The following MACROD2 variants were observed in gnomAD, a reference collection of about 807,000 sequenced individuals.
MACROD2 encodes ADP-ribose glycohydrolase MACROD2.
Under a neutral mutation model 70.4 loss-of-function variants are expected in MACROD2, and 36 were observed. That is an observed-to-expected ratio of 0.51 (90% CI 0.39 to 0.68). The LOEUF (loss-of-function observed/expected upper bound fraction) is 0.68. MACROD2 is among the 30% of genes least tolerant of loss of function. The pLI is 0.00. For missense variants in MACROD2, 496 were observed against 538.4 expected (o/e 0.92, Z 0.78); for synonymous variants, 172 against 178.8 (o/e 0.96, Z 0.30).
intron 8 of MACROD2, among the ~76,000 whole-genome samples, chr20:15,823,310 G>GTATGTGTA (rs1189640598): frequency 6.7e-6 from 1 of 149,336 alleles, no homozygotes; most frequent in African/African-American, 2.5e-5. Context: ...GTGTGTGTGT[G>GTATGTGTA]TGTGTGTGTG....
rs543819085 is a variant in MACROD2 at position 15,975,854 on chromosome 20, G to A, written c.985+8224G>A. ...AAAATAACTTACAATAGGAAAGTAA[G>A]TTTTATTGGCTCTAAGAGAAAACCA... On this transcript the variant is annotated intron_variant, in intron 13 of 17. Coordinates refer to ENST00000684519, the MANE Select transcript of MACROD2 (RefSeq NM_001351661.2). 9.8e-5 allele frequency among the ~76,000 whole-genome samples: 15 copies of A among 152,300 alleles called. No homozygotes were observed. The South Asian group carries it at 3.1e-3, about 32-fold the overall frequency.
At chr20:15,071,008 A>G (rs2075615242) in intron 5 of MACROD2, among the ~76,000 whole-genome samples, 1 of 152,072 alleles carries the variant, frequency 6.6e-6, no homozygotes, top group Non-Finnish European at 1.5e-5. Flanking sequence ...TAAAATTTGT[A>G]AGACTATTAT....
intron 8 of MACROD2, among the ~76,000 whole-genome samples, chr20:15,621,563 G>C (rs952346539): frequency 2.5e-4 from 38 of 152,302 alleles, no homozygotes; most frequent in Admixed American, 7.8e-4. Context: ...CTCCAGATGT[G>C]ATACTATAAC....
At chr20:14,467,251 C>A (rs1022996423) in intron 3 of MACROD2, among the ~76,000 whole-genome samples, 1 of 152,148 alleles carries the variant, frequency 6.6e-6, no homozygotes, top group Non-Finnish European at 1.5e-5. Context: ...CCCCTCCCCC[C>A]AGCCTCGCTG....
intron 8 of MACROD2, among the ~76,000 whole-genome samples, chr20:15,517,343 C>G (rs766266897): frequency 6.6e-6 from 1 of 152,208 alleles, no homozygotes; most frequent in African/African-American, 2.4e-5. Flanking sequence ...TCACACAGCA[C>G]CTCTTCACAA....
intron 5 of MACROD2, among the ~76,000 whole-genome samples, chr20:14,700,353 T>C (rs1256147910): frequency 6.6e-6 from 1 of 152,192 alleles, no homozygotes; most frequent in African/African-American, 2.4e-5. Context: ...CTGAGTTTTA[T>C]AGAACTGTTT....
At chr20:15,394,888 C>T (rs1461501111) in intron 6 of MACROD2, among the ~76,000 whole-genome samples, 1 of 152,158 alleles carries the variant, frequency 6.6e-6, no homozygotes, top group Non-Finnish European at 1.5e-5. Context: ...ACTGAATGAG[C>T]ATTTTGTAGC....
At chr20:15,796,992 G>T (rs183779840) in intron 8 of MACROD2, among the ~76,000 whole-genome samples, 1 of 152,138 alleles carries the variant, frequency 6.6e-6, no homozygotes, top group Non-Finnish European at 1.5e-5. Flanking sequence ...ATTTTCTTAC[G>T]TATCAAGGTA....
intron 5 of MACROD2, among the ~76,000 whole-genome samples, chr20:14,718,727 C>G (rs1220079706): frequency 1.3e-5 from 2 of 151,998 alleles, no homozygotes; most frequent in Non-Finnish European, 2.9e-5. Context: ...TTACTAGAAA[C>G]AAAATTTCAT....
intron 1 of MACROD2, chr20:13,996,211 G>C (rs921859096): frequency 3.6e-4 from 83 of 227,676 alleles, no homozygotes; most frequent in Admixed American, 6.1e-4. Context: ...GGTGCCCGTC[G>C]GCGGGCGCTC....
chr20:14,299,212 G>T (rs1316799764), intron 3 of MACROD2, among the ~76,000 whole-genome samples: 2 of 152,100 alleles, frequency 1.3e-5, no homozygotes, highest in Non-Finnish European at 2.9e-5. Context: ...AGCCACCCCA[G>T]CCTGAAATTG....
intron 8 of MACROD2, among the ~76,000 whole-genome samples, chr20:15,699,020 C>T (rs768174584): frequency 9.9e-5 from 15 of 152,188 alleles, no homozygotes; most frequent in Admixed American, 3.9e-4. Context: ...TTGGGCTACG[C>T]CTTTCTCTGG....
intron 8 of MACROD2, among the ~76,000 whole-genome samples, chr20:15,503,834 G>T (rs1440567177): frequency 1.3e-5 from 2 of 152,122 alleles, no homozygotes; most frequent in African/African-American, 4.8e-5. Flanking sequence ...AGCTGGTGAG[G>T]TTCCCCCAAA....
chr20:15,150,946 GC>G (rs1338780862), intron 5 of MACROD2, among the ~76,000 whole-genome samples: 2 of 151,864 alleles, frequency 1.3e-5, no homozygotes, highest in African/African-American at 2.4e-5. Flanking sequence ...AGGGAAACAG[GC>G]CCTTGAAAAG....
intron 5 of MACROD2, among the ~76,000 whole-genome samples, chr20:15,170,063 A>G (rs758371109): frequency 1.3e-5 from 2 of 152,350 alleles, no homozygotes; most frequent in Non-Finnish European, 2.9e-5. Context: ...CCAGATGGTA[A>G]TCAGTAGTTA....
chr20:14,292,518 C>A (rs1277127140), intron 3 of MACROD2, among the ~76,000 whole-genome samples: 2 of 151,902 alleles, frequency 1.3e-5, no homozygotes, highest in African/African-American at 4.9e-5. Flanking sequence ...ACTGCTGCAC[C>A]TTTCTTTTTA....
chr20:15,772,732 A>C (rs141430675), intron 8 of MACROD2, among the ~76,000 whole-genome samples: 84 of 152,238 alleles, frequency 5.5e-4, no homozygotes, highest in Non-Finnish European at 8.4e-4. Context: ...GGAGCTTCTA[A>C]ACATTTGTAA....
At chr20:16,005,866 C>T (rs932590958) in intron 15 of MACROD2, among the ~76,000 whole-genome samples, 1 of 152,150 alleles carries the variant, frequency 6.6e-6, no homozygotes, top group Non-Finnish European at 1.5e-5. Context: ...GGCTAGCTGC[C>T]CTCTTCCTTT....
At chr20:15,499,018 T>C (rs1462476843) in intron 7 of MACROD2, among the ~76,000 whole-genome samples, 1 of 152,164 alleles carries the variant, frequency 6.6e-6, no homozygotes, top group African/African-American at 2.4e-5. Flanking sequence ...ATTGATAAGG[T>C]TATTCCTTCA....
Sources: gnomAD v4.1 joint callset for allele counts (sites outside exome capture counted in the v4.1 genomes callset) on GRCh38, gnomAD v4.1.1 for gene constraint, MANE v1.5 for transcripts, NCBI Gene and HGNC (gene_info 2026-07-23, HGNC 2026-07-21) for gene names.